Variants in PHKA2 observed in about 807,000 individuals in gnomAD.
PHKA2 encodes the protein phosphorylase kinase regulatory subunit alpha 2, also known as phosphorylase b kinase regulatory subunit alpha, liver isoform.
Under a neutral mutation model 102.0 loss-of-function variants are expected in PHKA2, and 31 were observed. That is an observed-to-expected ratio of 0.30 (90% confidence interval 0.23 to 0.41). The LOEUF (loss-of-function observed/expected upper bound fraction) is 0.41. PHKA2 is among the 10% of genes least tolerant of loss of function. PHKA2 has a pLI of 1.00. For synonymous variants in PHKA2, 455 were observed against 416.2 expected (o/e 1.09, Z -1.13); for missense variants, 858 against 1,023.1 (o/e 0.84, Z 2.20).
intron 18 of PHKA2, among the ~76,000 whole-genome samples, chrX:18,919,064 A>T (rs1481674055): frequency 4.5e-5 from 5 of 111,333 alleles, no homozygotes; most frequent in Non-Finnish European, 9.4e-5. Flanking sequence ...TGTTTGGAAA[A>T]ACTTTATCCC....
chrX:18,968,374 C>T (rs2048973583), intron 1 of PHKA2, among the ~76,000 whole-genome samples: 1 of 112,382 alleles, frequency 8.9e-6, no homozygotes, highest in Non-Finnish European at 1.9e-5. Flanking sequence ...TTTGTGGCAA[C>T]GTTATTTCAG....
At chrX:18,905,018 C>G (rs2047779159) in intron 26 of PHKA2, among the ~76,000 whole-genome samples, 1 of 111,556 alleles carries the variant, frequency 9.0e-6, no homozygotes, top group Admixed American at 9.5e-5. Context: ...AATAAGTTAG[C>G]TCGAGCATGC....
chrX:18,893,533 A>C lies in PHKA2; in HGVS notation c.3660T>G (p.Ala1220=). ...GTMTYLTRAV[A]SYLQELLPNS... ...TGGGCAACAATTCCTGCAAATAAGA[A>C]GCCACTGCTCTTGTTAGGTAGGTCA... is the stretch of plus-strand genomic sequence containing the variant. The change falls in exon 33 of 33, where the codon GCT becomes GCG. Residue 1220 remains alanine, a synonymous_variant. Coordinates refer to ENST00000379942, the MANE Select transcript of PHKA2 (RefSeq NM_000292.3). 1 of 1,211,630 alleles carries C rather than the reference A, an allele frequency of 8.3e-7. No homozygotes were observed. Among genetic ancestry groups the C allele is most frequent in the Non-Finnish European group, 1.1e-6 (1 of 895,229 alleles).
At chrX:18,903,749 G>A (rs1480249758) in intron 26 of PHKA2, among the ~76,000 whole-genome samples, 4 of 111,854 alleles carry the variant, frequency 3.6e-5, no homozygotes, top group Non-Finnish European at 5.6e-5. Context: ...CACCAGCCTC[G>A]GGGCTCAAAC....
chrX:18,957,290 G>A (rs2048791843), intron 1 of PHKA2, among the ~76,000 whole-genome samples: 1 of 112,118 alleles, frequency 8.9e-6, no homozygotes, highest in African/African-American at 3.2e-5. Flanking sequence ...TGCCATATCT[G>A]TACTCTCACT....
At chrX:18,949,553 A>G in intron 4 of PHKA2, among the ~76,000 whole-genome samples, 1 of 112,314 alleles carries the variant, frequency 8.9e-6, no homozygotes, top group Non-Finnish European at 1.9e-5. Flanking sequence ...TAGCAAAATA[A>G]AAGAAGGAAG....
chrX:18,922,432 C>T (rs1300971953), intron 17 of PHKA2, among the ~76,000 whole-genome samples: 1 of 110,981 alleles, frequency 9.0e-6, no homozygotes, highest in African/African-American at 3.3e-5. Context: ...GGGACAGTCT[C>T]GCGAGAAAGG....
chrX:18,982,530 G>A (rs1474511100), intron 1 of PHKA2, among the ~76,000 whole-genome samples: 1 of 112,072 alleles, frequency 8.9e-6, no homozygotes, highest in Non-Finnish European at 1.9e-5. Context: ...GGTCCAAAGG[G>A]TTTCAGATAA....
At chrX:18,900,197 T>A (rs1413518357) in intron 28 of PHKA2, among the ~76,000 whole-genome samples, 2 of 111,352 alleles carry the variant, frequency 1.8e-5, no homozygotes, top group East Asian at 5.6e-4. Flanking sequence ...ATATTAGAAA[T>A]GCGACTCCAG....
intron 30 of PHKA2, chrX:18,896,762 T>A (rs967711321): frequency 1.2e-5 from 3 of 240,520 alleles, no homozygotes; most frequent in African/African-American, 8.6e-5. Flanking sequence ...CCTCCCAGCC[T>A]TTCCCTGTTC....
intron 12 of PHKA2, among the ~76,000 whole-genome samples, chrX:18,930,494 G>A (rs1447305529): frequency 9.0e-6 from 1 of 110,970 alleles, no homozygotes; most frequent in East Asian, 2.8e-4. Flanking sequence ...AGAGGAGAAA[G>A]CAGGGGAGGG....
chrX:18,936,232 C>T, intron 10 of PHKA2, 82 bp from the exon 11 acceptor site: 1 of 638,532 alleles, frequency 1.6e-6, no homozygotes, highest in South Asian at 2.3e-5. Context: ...AGAAAAAAAG[C>T]TCTCATGGCA....
intron 1 of PHKA2, among the ~76,000 whole-genome samples, chrX:18,965,630 C>T (rs2048930086): frequency 9.1e-6 from 1 of 110,150 alleles, no homozygotes; most frequent in Non-Finnish European, 1.9e-5. Context: ...CGGAAGGCTA[C>T]GAGACTCCTG....
rs2048630780 is a variant in PHKA2 at position 18,948,911 on chromosome X, A to C, written c.455-85T>G. 8.0e-6 allele frequency: 5 copies of C among 624,860 alleles called. No individual in the cohort carries two copies. In the East Asian group the frequency reaches 1.8e-4, roughly 23 times the overall value. The allele number at this position is 624,860 out of a possible 1,213,427, so 51.5% of individuals were successfully genotyped here. A position where few individuals can be genotyped will look rare whatever the true frequency, so the allele number is the denominator to read the frequency against. Reference sequence around the variant, plus strand: ...TTACAAATATCACACTAGGAAATAAACCCTTTTACCCTCATTTTCATTTTT... The same window carrying C: ...TTACAAATATCACACTAGGAAATAACCCCTTTTACCCTCATTTTCATTTTT... On this transcript the variant is annotated intron_variant, in intron 4 of 32. Transcript: ENST00000379942.
At chrX:18,946,378 C>T (rs760174683) in intron 5 of PHKA2, among the ~76,000 whole-genome samples, 3 of 111,217 alleles carry the variant, frequency 2.7e-5, no homozygotes, top group South Asian at 3.8e-4. Flanking sequence ...CCTCCAACCC[C>T]GGCACTGGGT....
intron 32 of PHKA2, 30 bp from the exon 33 acceptor site, chrX:18,893,685 A>T (rs1449382122): frequency 8.5e-7 from 1 of 1,180,119 alleles, no homozygotes; most frequent in South Asian, 1.8e-5. Context: ...AGGGGACAAT[A>T]AGCGGAGCCC....
chrX:18,897,693 G>A lies in PHKA2; in HGVS notation c.3112-360C>T, dbSNP rs1428904544. 4 of 234,294 alleles carry A rather than the reference G, an allele frequency of 1.7e-5. No individual in the cohort carries two copies. In the East Asian group the frequency reaches 2.9e-4, roughly 17 times the overall value. The allele number at this position is 234,294 out of a possible 1,213,427, so 19.3% of individuals were successfully genotyped here. ...CGGTGCCAAGGACACACCCGAGGCC[G>A]TCTGGCCCTGCCATGAACACTGATT... On this transcript the variant is annotated intron_variant, in intron 29 of 32. Coordinates refer to ENST00000379942, the MANE Select transcript of PHKA2 (RefSeq NM_000292.3).
chrX:18,901,519 C>G lies in PHKA2; in HGVS notation c.2993G>C (p.Ser998Thr). ...GHTGVTKTERSGINRLRSEMK... is the reference protein window; with the variant it reads ...GHTGVTKTERTGINRLRSEMK... ...TTCACTCCTCAGTCTGTTAATGCCA[C>G]TCCTCTCAGTTTTGGTGACTCCGGT... is the stretch of plus-strand genomic sequence containing the variant. The change falls in exon 27 of 33, where the codon AGT (serine) becomes ACT (threonine). Residue 998 changes from serine (S) to threonine (T), a missense_variant. Ser to Thr is a moderately conservative substitution (Grantham distance 58, BLOSUM62 1). Transcript: ENST00000379942. 1 of 1,201,633 alleles carries G rather than the reference C, an allele frequency of 8.3e-7. No individual in the cohort carries two copies. The highest frequency in any genetic ancestry group is 1.1e-6 in the Non-Finnish European group (1 of 886,213).
At chrX:18,946,660 C>T (rs897163380) in intron 5 of PHKA2, among the ~76,000 whole-genome samples, 1 of 110,173 alleles carries the variant, frequency 9.1e-6, no homozygotes, top group African/African-American at 3.3e-5. Flanking sequence ...CACCCAGCCA[C>T]ACTCAGAGCC....
Sources: gnomAD v4.1 joint callset for allele counts (sites outside exome capture counted in the v4.1 genomes callset) on GRCh38, gnomAD v4.1.1 for gene constraint, MANE v1.5 for transcripts, NCBI Gene and HGNC (gene_info 2026-07-23, HGNC 2026-07-21) for gene names.